The following LRBA variants were observed in gnomAD, a reference collection of about 807,000 sequenced individuals.
LRBA encodes LPS responsive beige-like anchor protein.
A neutral mutation model predicts 330.0 loss-of-function variants in LRBA; 176 were observed. The ratio of observed to expected loss-of-function variants is 0.53; its 90% CI spans 0.47 to 0.60. The LOEUF (loss-of-function observed/expected upper bound fraction) is 0.60. Among genes scored for constraint, LRBA ranks in the 20% least tolerant of loss-of-function variants. LRBA has a pLI of 0.00. For synonymous variants in LRBA, 1,230 were observed against 1,193.0 expected (o/e 1.03, Z -0.64); for missense variants, 3,259 against 3,444.8 (o/e 0.95, Z 1.35).
chr4:150,575,758 T>TA (rs780849042), intron 40 of LRBA, among the ~76,000 whole-genome samples: 2 of 151,988 alleles, frequency 1.3e-5, no homozygotes, highest in Admixed American at 1.3e-4. Context: ...GGGATGGATT[T>TA]AATATCCTAA....
rs181183995 is a variant in LRBA, at chr4:150,899,693, A to G, written c.1924+356T>C. The stretch of plus-strand genomic sequence containing the variant: ...CAAGAAACCACCATATTCCCAAAAC[A>G]CCATTTTCAAGGAATCTCATTGTGA... On this transcript the variant is annotated intron_variant, in intron 14 of 56. Coordinates refer to ENST00000651943, the MANE Select transcript of LRBA (RefSeq NM_001364905.1). 6.6e-5 allele frequency among the ~76,000 whole-genome samples: 10 copies of G among 152,232 alleles called. No individual in the cohort carries two copies. In the East Asian group the frequency reaches 1.7e-3, roughly 26 times the overall value.
intron 16 of LRBA, among the ~76,000 whole-genome samples, chr4:150,893,745 G>T (rs1266502028): frequency 6.6e-6 from 1 of 151,706 alleles, no homozygotes; most frequent in Non-Finnish European, 1.5e-5. Context: ...GCACAATCTC[G>T]GCTCACTGCA....
At chr4:150,844,616 T>C (rs375503753) in intron 27 of LRBA, 42 bp downstream of exon 27, 99 of 1,531,708 alleles carry the variant, frequency 6.5e-5, no homozygotes, top group East Asian at 4.5e-4. Context: ...AATTGTAAAA[T>C]AGGAGTATGC....
chr4:150,797,806 C>T (rs925455486), intron 34 of LRBA, among the ~76,000 whole-genome samples: 2 of 152,036 alleles, frequency 1.3e-5, no homozygotes, highest in South Asian at 2.1e-4. Flanking sequence ...TTAATATATA[C>T]AGCAAAGAAA....
At chr4:150,606,503 A>G (rs1289557044) in intron 37 of LRBA, among the ~76,000 whole-genome samples, 2 of 152,118 alleles carry the variant, frequency 1.3e-5, no homozygotes, top group African/African-American at 4.8e-5. Flanking sequence ...ACACAGGACA[A>G]TGGGGACAAG....
At chr4:150,817,034 C>A in intron 31 of LRBA, 90 bp downstream of exon 31, 1 of 1,092,748 alleles carries the variant, frequency 9.2e-7, no homozygotes, top group South Asian at 1.3e-5. Context: ...TTCTAATGTG[C>A]CCCCAAATTT....
At chr4:150,662,330 G>A (rs1781194204) in intron 37 of LRBA, among the ~76,000 whole-genome samples, 1 of 152,194 alleles carries the variant, frequency 6.6e-6, no homozygotes, top group Admixed American at 6.5e-5. Context: ...AAAAATGTCA[G>A]TACGAGAAGG....
At chr4:150,649,162 C>T (rs1457622215) in intron 37 of LRBA, among the ~76,000 whole-genome samples, 2 of 152,170 alleles carry the variant, frequency 1.3e-5, no homozygotes, top group African/African-American at 4.8e-5. Flanking sequence ...CTCTGCCTTC[C>T]CTTCAGTTTC....
chr4:150,603,913 T>C (rs937315597), intron 37 of LRBA, among the ~76,000 whole-genome samples: 6 of 152,198 alleles, frequency 3.9e-5, no homozygotes, highest in Non-Finnish European at 8.8e-5. Flanking sequence ...AGATAGGCTA[T>C]TTATTCTATT....
intron 34 of LRBA, among the ~76,000 whole-genome samples, chr4:150,773,521 C>T (rs995963109): frequency 1.3e-5 from 2 of 152,232 alleles, no homozygotes; most frequent in Non-Finnish European, 2.9e-5. Flanking sequence ...ATTCATGTGT[C>T]TTCTGCATAG....
At chr4:150,339,972 G>A (rs1735289062) in intron 48 of LRBA, among the ~76,000 whole-genome samples, 1 of 151,800 alleles carries the variant, frequency 6.6e-6, no homozygotes, top group African/African-American at 2.4e-5. Flanking sequence ...CTGAATCATG[G>A]TGGTGGTTTC....
rs776588188 is a variant in LRBA, at chr4:150,485,908, G to A, written c.6551+1824C>T. The stretch of plus-strand genomic sequence containing the variant: ...TATAAATGTATTTATATTTAAATGG[G>A]GCTTCTTGGTTGCCAGAGGCAGAGG... On this transcript the variant is annotated intron_variant, in intron 42 of 56. Transcript: ENST00000651943. Among the ~76,000 whole-genome samples, 7 of 151,838 alleles carry A rather than the reference G, an allele frequency of 4.6e-5. No individual in the cohort carries two copies. The East Asian group carries it at 1.4e-3, about 29-fold the overall frequency.
At chr4:150,995,846 C>A (rs1742573838) in intron 2 of LRBA, among the ~76,000 whole-genome samples, 2 of 152,016 alleles carry the variant, frequency 1.3e-5, no homozygotes, top group East Asian at 1.9e-4. Context: ...ATAATAATTT[C>A]TTCTTTACCA....
At chr4:150,405,186 C>T (rs1746015475) in intron 47 of LRBA, among the ~76,000 whole-genome samples, 2 of 152,194 alleles carry the variant, frequency 1.3e-5, no homozygotes, top group South Asian at 4.1e-4. Context: ...TAAAAGAAAG[C>T]AAAGGAATGT....
intron 36 of LRBA, among the ~76,000 whole-genome samples, chr4:150,687,397 C>T (rs2088165011): frequency 6.6e-6 from 1 of 151,956 alleles, no homozygotes; most frequent in South Asian, 2.1e-4. Flanking sequence ...GTAACATAAA[C>T]GGTCAAATCT....
At chr4:150,618,114 C>CAA (rs1026170321) in intron 37 of LRBA, among the ~76,000 whole-genome samples, 2 of 146,190 alleles carry the variant, frequency 1.4e-5, no homozygotes, top group African/African-American at 5.0e-5. Context: ...CTGTCTCAAA[C>CAA]AAAAAAAAAA....
chr4:150,920,460 A>C (rs933626224), intron 5 of LRBA, among the ~76,000 whole-genome samples: 1 of 152,166 alleles, frequency 6.6e-6, no homozygotes, highest in African/African-American at 2.4e-5. Context: ...GAGGCAGAAG[A>C]ATCGCTTGAA....
chr4:150,335,276 A>C (rs1404137416), intron 48 of LRBA, among the ~76,000 whole-genome samples: 4 of 152,020 alleles, frequency 2.6e-5, no homozygotes, highest in Admixed American at 2.6e-4. Context: ...TGCAGCCATT[A>C]AAATGAGTTG....
At chr4:150,559,858 TTATATATAA>T (rs1768002771) in intron 40 of LRBA, among the ~76,000 whole-genome samples, 1 of 23,520 alleles carries the variant, frequency 4.3e-5, no homozygotes, top group African/African-American at 1.2e-4. Context: ...TAATATATAA[TTATATATAA>T]TATATAATTA....
Sources: allele counts gnomAD v4.1 joint callset (sites outside exome capture counted in the v4.1 genomes callset), GRCh38; gene constraint gnomAD v4.1.1; transcripts MANE v1.5; gene names NCBI Gene and HGNC (gene_info 2026-07-23, HGNC 2026-07-21).